Variants in PCCB observed in about 807,000 individuals in gnomAD.
PCCB encodes propionyl-CoA carboxylase subunit beta, also known as propionyl-CoA carboxylase beta chain, mitochondrial.
PCCB carries 43 observed loss-of-function variants against 60.7 expected under a neutral mutation model. The observed-to-expected ratio is 0.71, with a 90% CI of 0.55 to 0.91. The LOEUF (loss-of-function observed/expected upper bound fraction) is 0.91, where lower values mean the gene tolerates loss of function less well. Ranked by LOEUF, PCCB falls within the 40% of genes least tolerant of loss-of-function variation. The pLI, the probability that PCCB is intolerant of heterozygous loss-of-function variation, is 0.00. For synonymous variants in PCCB, 276 were observed against 255.9 expected, an observed-to-expected ratio of 1.08 and a Z score of -0.75; for missense variants, 766 against 702.8, an observed-to-expected ratio of 1.09 and a Z score of -1.02.
chr3:136,276,127 T>C, intron 5 of PCCB, among the ~76,000 whole-genome samples: 1 of 152,186 alleles, frequency 6.6e-6, no homozygotes, highest in Non-Finnish European at 1.5e-5. Flanking sequence ...CCTATGGGGT[T>C]GAGATGGAAA....
intron 9 of PCCB, among the ~76,000 whole-genome samples, chr3:136,303,810 G>C (rs1934368485): frequency 8.2e-6 from 1 of 121,586 alleles, no homozygotes. Context: ...CGCCATGTTG[G>C]CCAGGCTGGT....
rs563596735 is a variant in PCCB at position 136,296,556 on chromosome 3, A to G, written c.764-1396A>G. On this transcript the variant is annotated intron_variant, in intron 7 of 14. Transcript: ENST00000251654. ...TTTCCACTTTTCGGCTATCATAAATATGCCTGTATTAATATTTATATGCAA... is the reference window on the plus strand; with the variant it reads ...TTTCCACTTTTCGGCTATCATAAATGTGCCTGTATTAATATTTATATGCAA... 9.2e-5 allele frequency among the ~76,000 whole-genome samples: 14 copies of G among 152,336 alleles called. No individual in the cohort carries two copies. In the South Asian group the frequency reaches 2.9e-3, roughly 32 times the overall value.
rs1348660556 is a variant in PCCB at position 136,298,045 on chromosome 3, C to T, written c.857C>T (p.Ala286Val). 1 of 1,614,142 alleles carries T rather than the reference C, an allele frequency of 6.2e-7. No individual in the cohort carries two copies. The highest frequency in any genetic ancestry group is 2.2e-5 in the East Asian group (1 of 44,872). The change falls in exon 8 of 15, where the codon GCT becomes GTT. Residue 286 changes from alanine (A) to valine (V), a missense_variant. Coordinates refer to ENST00000251654, the MANE Select transcript of PCCB (RefSeq NM_000532.5). ...CTGCCCCTGAGCAGTCAGGACCCGG[C>T]TCCCGTCCGTGAGTGCCACGATCCC... ...NYLPLSSQDP[A>V]PVRECHDPSD...
intron 9 of PCCB, among the ~76,000 whole-genome samples, chr3:136,305,700 G>C (rs1195983713): frequency 8.9e-6 from 1 of 112,536 alleles, no homozygotes; most frequent in African/African-American, 2.7e-5. Context: ...AATGAGCTGA[G>C]ATTGCACCAT....
intron 3 of PCCB, among the ~76,000 whole-genome samples, chr3:136,259,693 A>G (rs1186996692): frequency 2.0e-5 from 3 of 152,218 alleles, no homozygotes; most frequent in African/African-American, 7.2e-5. Flanking sequence ...TCTATGGAAT[A>G]ATCTATAAAT....
chr3:136,316,738 G>A (rs1448496635), intron 9 of PCCB, among the ~76,000 whole-genome samples: 1 of 152,070 alleles, frequency 6.6e-6, no homozygotes, highest in Admixed American at 6.5e-5. Context: ...AGCAGCAGTT[G>A]AGGTTTTCCA....
intron 9 of PCCB, among the ~76,000 whole-genome samples, chr3:136,305,817 A>G (rs1934438336): frequency 8.2e-6 from 1 of 121,280 alleles, no homozygotes; most frequent in African/African-American, 2.5e-5. Flanking sequence ...TTTAGAAGCT[A>G]CTTAAGAGTG....
At position 136,264,440 on chromosome 3, in the gene PCCB, G is replaced by GTGTATA; in HGVS notation, c.543+2376_543+2377insGTATAT. Among the ~76,000 whole-genome samples the GTGTATA allele has an allele frequency of 9.7e-4, 120 of 123,540 alleles. 7 individuals carry two copies. The highest frequency in any genetic ancestry group is 4.1e-3 in the Middle Eastern group (1 of 244). 81.0% of individuals were successfully genotyped at this position (123,540 alleles called of 152,430 possible). On this transcript the variant is annotated intron_variant, in intron 5 of 14. Transcript: ENST00000251654. Reference sequence around the variant, plus strand: ...CTGTCTCTCATATATATGTGTGTGTGTATATATGTATATATATATATGTTC... The same window carrying GTGTATA: ...CTGTCTCTCATATATATGTGTGTGTGTGTATATATATATGTATATATATATATGTTC...
At position 136,293,778 on chromosome 3, in the gene PCCB, C is replaced by A; in HGVS notation, c.677C>A (p.Thr226Asn). ...CAGGACACCTCCTACCTGTTCATCA[C>A]TGGCCCTGATGTTGTGAAGTCTGTC... ...MVKDTSYLFI[T>N]GPDVVKSVTN... Residue 226 changes from threonine (T) to asparagine (N), a missense_variant, in exon 7 of 15, where the codon ACT (threonine) becomes AAT (asparagine). Transcript: ENST00000251654. The A allele has an allele frequency of 6.2e-7, 1 of 1,612,148 alleles. No homozygotes were observed. Among genetic ancestry groups the A allele is most frequent in the Non-Finnish European group, 8.5e-7 (1 of 1,178,254 alleles).
chr3:136,293,991 C>T (rs1933821073), intron 7 of PCCB, 127 bp downstream of exon 7: 6 of 694,502 alleles, frequency 8.6e-6, no homozygotes, highest in Non-Finnish European at 1.3e-5. Flanking sequence ...GACTGTGGTA[C>T]AGTCTATTGT....
Position 136,283,867 on chromosome 3 carries a change from C to G in PCCB, c.574C>G (p.Gln192Glu), listed in dbSNP as rs780333272. 6.2e-7 allele frequency: 1 copy of G among 1,613,834 alleles called. No individual in the cohort carries two copies. Among genetic ancestry groups the G allele is most frequent in the East Asian group, 2.2e-5 (1 of 44,882 alleles). Residue 192 changes from glutamine (Q) to glutamate (E), a missense_variant, in exon 6 of 15, where the codon CAG (glutamine) becomes GAG (glutamate). Gln to Glu is a conservative substitution (Grantham distance 29). Transcript: ENST00000251654. ...RNVTASGVIP[Q>E]ISLIMGPCAG... ...TGTTACGGCATCCGGAGTCATCCCT[C>G]AGATTTCTCTGATCATGGGCCCATG...
At chr3:136,293,073 T>G (rs1184599203) in intron 6 of PCCB, among the ~76,000 whole-genome samples, 5 of 152,172 alleles carry the variant, frequency 3.3e-5, no homozygotes, top group Admixed American at 6.6e-5. Flanking sequence ...AGTGCAGTGG[T>G]GCAAGCAATC....
chr3:136,293,586 C>T (rs1461749538), intron 6 of PCCB, among the ~76,000 whole-genome samples, 170 bp from the exon 7 acceptor site: 2 of 152,170 alleles, frequency 1.3e-5, no homozygotes, highest in African/African-American at 4.8e-5. Flanking sequence ...GACAATAAGG[C>T]AGGGAAAACT....
intron 5 of PCCB, among the ~76,000 whole-genome samples, chr3:136,282,574 A>G (rs973065841): frequency 2.6e-5 from 4 of 152,208 alleles, no homozygotes; most frequent in Admixed American, 6.5e-5. Flanking sequence ...CTTTGCTCCA[A>G]TGTAGCTCCA....
intron 10 of PCCB, among the ~76,000 whole-genome samples, chr3:136,322,029 G>A (rs1226165175): frequency 5.3e-5 from 8 of 152,182 alleles, no homozygotes; most frequent in Admixed American, 6.5e-5. Flanking sequence ...AAAGATAGTG[G>A]TGAGGGGACA....
In PCCB at chr3:136,301,019, TC is replaced by T. The variant is rs764142103; in HGVS notation, c.885-10del. 1.2e-6 allele frequency: 2 copies of T among 1,613,078 alleles called. No individual in the cohort carries two copies. On this transcript the variant is annotated splice_polypyrimidine_tract_variant and intron_variant, in intron 8 of 14. Transcript: ENST00000251654. ...CTATGTTGACTATACCTGCCTTTTT[TC>T]TGCCTAAAGTGACCGTCTGGTTCCT...
chr3:136,265,087 G>T (rs993349113), intron 5 of PCCB, among the ~76,000 whole-genome samples: 1 of 152,048 alleles, frequency 6.6e-6, no homozygotes, highest in Non-Finnish European at 1.5e-5. Context: ...CCAGCTACTC[G>T]GGAGGCTGAG....
intron 6 of PCCB, among the ~76,000 whole-genome samples, chr3:136,287,041 A>C (rs1402458900): frequency 2.0e-5 from 3 of 151,558 alleles, no homozygotes; most frequent in African/African-American, 7.3e-5. Context: ...GGAAAAAAAA[A>C]AAAAAATAAT....
rs397694948 is a variant in PCCB, at chr3:136,317,212, A to ATTTTT, written c.1090+174_1090+178dup. 10,416 of 254,036 alleles carry ATTTTT rather than the reference A, an allele frequency of 0.041. 696 individuals carry two copies. The highest frequency in any genetic ancestry group is 0.12 in the East Asian group (641 of 5,336). The allele number at this position is 254,036 out of a possible 1,614,324, so 15.7% of individuals were successfully genotyped here. ...ATCTAAATGGTTGTTATAAAAGCTA[A>ATTTTT]TTTTTTTTTTTTTTTTTTTTTTTTT... On this transcript the variant is annotated intron_variant, in intron 10 of 14. Transcript: ENST00000251654.
Sources: allele counts gnomAD v4.1 joint callset (sites outside exome capture counted in the v4.1 genomes callset), GRCh38; gene constraint gnomAD v4.1.1; transcripts MANE v1.5; gene names NCBI Gene and HGNC (gene_info 2026-07-23, HGNC 2026-07-21).